ZEB1: variants seen among roughly 807,000 people sequenced by gnomAD.
The protein encoded by ZEB1 is zinc finger E-box binding homeobox 1.
A neutral mutation model predicts 84.9 loss-of-function variants in ZEB1; 21 were observed. That is an observed-to-expected ratio of 0.25 (90% CI 0.18 to 0.36). The LOEUF (loss-of-function observed/expected upper bound fraction) is 0.36. ZEB1 is among the 10% of genes least tolerant of loss of function. The pLI is 1.00. For synonymous variants in ZEB1, 420 were observed against 471.1 expected (o/e 0.89, Z 1.41); for missense variants, 1,104 against 1,330.2 (o/e 0.83, Z 2.65).
chr10:31,493,098 A>G (rs1357528362), intron 2 of ZEB1, among the ~76,000 whole-genome samples: 1 of 151,892 alleles, frequency 6.6e-6, no homozygotes, highest in Non-Finnish European at 1.5e-5. Context: ...CTCGTTTCCC[A>G]TTACATGTTC....
At chr10:31,446,919 T>A (rs2136858305) in intron 1 of ZEB1, among the ~76,000 whole-genome samples, 1 of 152,276 alleles carries the variant, frequency 6.6e-6, no homozygotes, top group Admixed American at 6.5e-5. Context: ...TCTGTAGATG[T>A]CTATTAGGTC....
chr10:31,524,191 G>T (rs878885269), intron 8 of ZEB1, 78 bp downstream of exon 8: 72 of 1,340,298 alleles, frequency 5.4e-5, no homozygotes, highest in Non-Finnish European at 6.6e-5. Flanking sequence ...TAAAGTTTTA[G>T]AATTTTCTTT....
At chr10:31,452,742 TGAGA>T (rs35403055) in intron 1 of ZEB1, among the ~76,000 whole-genome samples, 3,402 of 90,116 alleles carry the variant, frequency 0.038, 65 homozygotes, top group African/African-American at 0.086. Context: ...TGTGTGTGTG[TGAGA>T]GAGAGAGAGA....
At chr10:31,466,390 A>G (rs907512059) in intron 2 of ZEB1, among the ~76,000 whole-genome samples, 1 of 152,224 alleles carries the variant, frequency 6.6e-6, no homozygotes, top group African/African-American at 2.4e-5. Flanking sequence ...AACAAATTTA[A>G]AATTAAAATT....
At chr10:31,476,704 G>A (rs2064251808) in intron 2 of ZEB1, among the ~76,000 whole-genome samples, 3 of 151,978 alleles carry the variant, frequency 2.0e-5, no homozygotes, top group Admixed American at 2.0e-4. Context: ...AAAACAAAAT[G>A]TATCACAATC....
At chr10:31,494,904 T>C (rs559032035) in intron 2 of ZEB1, among the ~76,000 whole-genome samples, 2 of 152,066 alleles carry the variant, frequency 1.3e-5, no homozygotes, top group Non-Finnish European at 2.9e-5. Flanking sequence ...ATGACAGATA[T>C]CTAAAAATAT....
At chr10:31,452,742 T>TGTGTGAGAGAGA (rs1387786622) in intron 1 of ZEB1, among the ~76,000 whole-genome samples, 64 of 90,804 alleles carry the variant, frequency 7.0e-4, no homozygotes, top group Middle Eastern at 6.1e-3. Flanking sequence ...TGTGTGTGTG[T>TGTGTGAGAGAGA]GAGAGAGAGA....
At chr10:31,493,274 T>C (rs1431008387) in intron 2 of ZEB1, among the ~76,000 whole-genome samples, 2 of 152,054 alleles carry the variant, frequency 1.3e-5, no homozygotes, top group Admixed American at 6.6e-5. Context: ...TCATCTGAGC[T>C]GTTGCTTGTA....
intron 2 of ZEB1, among the ~76,000 whole-genome samples, chr10:31,487,257 A>G (rs2138693446): frequency 6.6e-6 from 1 of 151,496 alleles, no homozygotes; most frequent in Non-Finnish European, 1.5e-5. Flanking sequence ...TTTCATATAA[A>G]TTTTAGATAA....
chr10:31,340,005 C>A (rs969939431), intron 1 of ZEB1, among the ~76,000 whole-genome samples: 1 of 151,778 alleles, frequency 6.6e-6, no homozygotes, highest in East Asian at 1.9e-4. Context: ...CAAATTATAC[C>A]CCTGGTAGAT....
intron 8 of ZEB1, among the ~76,000 whole-genome samples, chr10:31,524,728 T>G (rs748190842): frequency 6.6e-6 from 1 of 151,152 alleles, no homozygotes; most frequent in African/African-American, 2.5e-5. Flanking sequence ...ACATAGTACA[T>G]AGTACCCATT....
At chr10:31,494,173 T>C (rs1037149702) in intron 2 of ZEB1, among the ~76,000 whole-genome samples, 4 of 152,000 alleles carry the variant, frequency 2.6e-5, no homozygotes, top group Non-Finnish European at 5.9e-5. Context: ...AGGAGACACA[T>C]TGAAGCGAGA....
chr10:31,451,385 T>C (rs2060547429), intron 1 of ZEB1, among the ~76,000 whole-genome samples: 1 of 152,192 alleles, frequency 6.6e-6, no homozygotes, highest in African/African-American at 2.4e-5. Context: ...CTTTAAAGTT[T>C]GGGCTTTTGG....
At chr10:31,439,196 G>C (rs2058618618) in intron 1 of ZEB1, among the ~76,000 whole-genome samples, 1 of 151,988 alleles carries the variant, frequency 6.6e-6, no homozygotes, top group Non-Finnish European at 1.5e-5. Context: ...CTGGAAGGAT[G>C]GAATCAAACT....
chr10:31,469,301 C>G (rs1049033087), intron 2 of ZEB1, among the ~76,000 whole-genome samples: 1 of 152,128 alleles, frequency 6.6e-6, no homozygotes, highest in Non-Finnish European at 1.5e-5. Flanking sequence ...TCTGAGGTAC[C>G]GGGTTCATCT....
At chr10:31,418,518 T>C (rs1312312668) in intron 1 of ZEB1, among the ~76,000 whole-genome samples, 2 of 152,172 alleles carry the variant, frequency 1.3e-5, no homozygotes. Flanking sequence ...TTTAAAATTT[T>C]AACTTTAGCT....
In ZEB1 at chr10:31,526,950, G is replaced by A. The variant is rs142629102; in HGVS notation, c.3064G>A (p.Asp1022Asn). 3.7e-6 allele frequency: 6 copies of A among 1,613,962 alleles called. No homozygotes were observed. The highest frequency in any genetic ancestry group is 5.1e-6 in the Non-Finnish European group (6 of 1,179,972). The change falls in exon 9 of 9, where the codon GAC (aspartate) becomes AAC (asparagine). Residue 1022 changes from aspartate (D) to asparagine (N), a missense_variant. By Grantham distance (23) the Asp-to-Asn change is conservative. Transcript: ENST00000424869. ...VGARASPSQG[D>N]SDERESLTRE... ...TGCCAGGGCGTCTCCCTCACAGGGC[G>A]ACTCGGACGAGAGAGAGAGTTTGAC...
chr10:31,472,868 G>T (rs1241122911), intron 2 of ZEB1, among the ~76,000 whole-genome samples: 1 of 129,548 alleles, frequency 7.7e-6, no homozygotes, highest in Non-Finnish European at 1.5e-5. Context: ...CCATGATCAA[G>T]TGGGCTTCAT....
At chr10:31,461,266 T>A in intron 2 of ZEB1, 29 bp downstream of exon 2, 1 of 1,576,528 alleles carries the variant, frequency 6.3e-7, no homozygotes, top group Non-Finnish European at 8.6e-7. Context: ...TGTAATATTG[T>A]ATTCTCATGA....
Sources: gnomAD v4.1 joint callset for allele counts (sites outside exome capture counted in the v4.1 genomes callset) on GRCh38, gnomAD v4.1.1 for gene constraint, MANE v1.5 for transcripts, NCBI Gene and HGNC (gene_info 2026-07-23, HGNC 2026-07-21) for gene names.